The following PPFIA2 variants were observed in gnomAD, a reference collection of about 807,000 sequenced individuals.
PPFIA2 encodes the protein liprin-alpha-2.
A neutral mutation model predicts 175.5 loss-of-function variants in PPFIA2; 46 were observed. The ratio of observed to expected loss-of-function variants is 0.26; its 90% CI spans 0.21 to 0.34. The LOEUF (loss-of-function observed/expected upper bound fraction) is 0.34, where lower values mean the gene tolerates loss of function less well. Ranked by LOEUF, PPFIA2 falls within the 10% of genes least tolerant of loss-of-function variation. The probability of loss-of-function intolerance (pLI) is 1.00; values close to 1 mark genes in which losing one functional copy is unlikely to be tolerated. For missense variants in PPFIA2, 1,179 were observed against 1,506.1 expected (o/e 0.78, Z 3.60); for synonymous variants, 568 against 511.4 (o/e 1.11, Z -1.49).
chr12:81,581,554 T>C (rs2400956), intron 4 of PPFIA2, among the ~76,000 whole-genome samples: 2,429 of 151,902 alleles, frequency 0.016, 75 homozygotes, highest in Admixed American at 0.064. Flanking sequence ...TCCCTATTTC[T>C]CCTTAGCTTT....
chr12:81,623,287 T>C (rs931445220), intron 4 of PPFIA2, among the ~76,000 whole-genome samples: 1 of 151,914 alleles, frequency 6.6e-6, no homozygotes, highest in Non-Finnish European at 1.5e-5. Context: ...TCAAGAGGCA[T>C]CCAAAATAGT....
intron 4 of PPFIA2, among the ~76,000 whole-genome samples, chr12:81,533,795 A>G (rs1271190164): frequency 6.6e-6 from 1 of 151,208 alleles, no homozygotes; most frequent in Non-Finnish European, 1.5e-5. Context: ...ATGTGTGTAT[A>G]TATATGATAA....
At chr12:81,480,761 C>G (rs1469662010) in intron 4 of PPFIA2, among the ~76,000 whole-genome samples, 1 of 152,140 alleles carries the variant, frequency 6.6e-6, no homozygotes, top group East Asian at 1.9e-4. Context: ...GCAAAGATTG[C>G]TGCCTGTTCC....
intron 4 of PPFIA2, among the ~76,000 whole-genome samples, chr12:81,606,068 G>T (rs966175311): frequency 2.6e-5 from 4 of 151,956 alleles, no homozygotes; most frequent in African/African-American, 9.7e-5. Flanking sequence ...AGAAAATGCA[G>T]TATTTGGTTT....
At chr12:81,575,768 A>T (rs1204872071) in intron 4 of PPFIA2, among the ~76,000 whole-genome samples, 1 of 151,764 alleles carries the variant, frequency 6.6e-6, no homozygotes, top group Non-Finnish European at 1.5e-5. Context: ...TGCATATGTA[A>T]GTATCACGAA....
chr12:81,723,962 G>T (rs1179033087), intron 3 of PPFIA2, among the ~76,000 whole-genome samples: 1 of 150,724 alleles, frequency 6.6e-6, no homozygotes, highest in Non-Finnish European at 1.5e-5. Context: ...AGTACATTTT[G>T]GGATATTTCA....
intron 27 of PPFIA2, 132 bp downstream of exon 27, chr12:81,281,125 T>G (rs1188963730): frequency 1.4e-6 from 1 of 696,584 alleles, no homozygotes; most frequent in Non-Finnish European, 2.2e-6. Flanking sequence ...TCCAAGTAGA[T>G]GTATACAAAC....
intron 3 of PPFIA2, among the ~76,000 whole-genome samples, chr12:81,707,523 C>T (rs1596605216): frequency 6.6e-6 from 1 of 151,420 alleles, no homozygotes; most frequent in East Asian, 2.0e-4. Context: ...CAGGAAACAA[C>T]AGGTGCTGGA....
At chr12:81,346,448 C>T (rs1000478968) in intron 18 of PPFIA2, among the ~76,000 whole-genome samples, 1 of 149,872 alleles carries the variant, frequency 6.7e-6, no homozygotes. Flanking sequence ...ATCATATTTT[C>T]CAGAGGTTTT....
At chr12:81,688,420 G>A (rs1388201939) in intron 3 of PPFIA2, among the ~76,000 whole-genome samples, 4 of 151,618 alleles carry the variant, frequency 2.6e-5, no homozygotes, top group Non-Finnish European at 4.4e-5. Context: ...TTGATGGATC[G>A]GAGGCTCAAT....
At chr12:81,337,905 T>C (rs1195789209) in intron 21 of PPFIA2, among the ~76,000 whole-genome samples, 1 of 152,132 alleles carries the variant, frequency 6.6e-6, no homozygotes, top group African/African-American at 2.4e-5. Context: ...TGTGTCTCTC[T>C]TTTTTCCTCA....
intron 3 of PPFIA2, among the ~76,000 whole-genome samples, chr12:81,702,616 T>C (rs1371151846): frequency 6.6e-6 from 1 of 152,124 alleles, no homozygotes; most frequent in Non-Finnish European, 1.5e-5. Context: ...AAGCCTCCAA[T>C]GACACTAGGC....
At chr12:81,418,267 G>A (rs1015389340) in intron 7 of PPFIA2, among the ~76,000 whole-genome samples, 2 of 151,652 alleles carry the variant, frequency 1.3e-5, no homozygotes, top group Admixed American at 6.6e-5. Context: ...TATATTTACT[G>A]GAACCAAGTA....
chr12:81,537,215 T>A (rs1326013474), intron 4 of PPFIA2, among the ~76,000 whole-genome samples: 1 of 151,712 alleles, frequency 6.6e-6, no homozygotes, highest in Non-Finnish European at 1.5e-5. Flanking sequence ...GTGTTTAAAG[T>A]TTAAAAAAAT....
chr12:81,272,245 C>A (rs74656341), intron 28 of PPFIA2, among the ~76,000 whole-genome samples: 1,858 of 152,094 alleles, frequency 0.012, 33 homozygotes, highest in African/African-American at 0.042. Context: ...CCATCGAGAA[C>A]CTTGAGTCTG....
chr12:81,368,997 T>G, intron 12 of PPFIA2, 114 bp downstream of exon 12: 1 of 1,277,406 alleles, frequency 7.8e-7, no homozygotes, highest in South Asian at 1.5e-5. Flanking sequence ...AGTCAACAGG[T>G]CATATTTGTA....
chr12:81,329,263 T>C (rs2055567284), intron 21 of PPFIA2, among the ~76,000 whole-genome samples: 1 of 152,052 alleles, frequency 6.6e-6, no homozygotes. Context: ...GGCTTGAAGG[T>C]TTGAGTCCCA....
chr12:81,711,603 A>G (rs1359449606), intron 3 of PPFIA2, among the ~76,000 whole-genome samples: 1 of 151,274 alleles, frequency 6.6e-6, no homozygotes. Flanking sequence ...TACACTTACC[A>G]TTCAGAATTG....
At chr12:81,658,309 A>G (rs1259202073) in intron 4 of PPFIA2, among the ~76,000 whole-genome samples, 1 of 147,070 alleles carries the variant, frequency 6.8e-6, no homozygotes, top group African/African-American at 2.5e-5. Context: ...AAAAAAAATG[A>G]TTGCTAACCA....
Sources: allele counts gnomAD v4.1 joint callset (sites outside exome capture counted in the v4.1 genomes callset), GRCh38; gene constraint gnomAD v4.1.1; transcripts MANE v1.5; gene names NCBI Gene and HGNC (gene_info 2026-07-23, HGNC 2026-07-21).